Variants in LHFPL3 observed in about 807,000 individuals in gnomAD.
LHFPL3 encodes the protein LHFPL tetraspan subfamily member 3 protein.
Under a neutral mutation model 19.3 loss-of-function variants are expected in LHFPL3, and 5 were observed. The ratio of observed to expected loss-of-function variants is 0.26; its 90% CI spans 0.14 to 0.54. The LOEUF is 0.54. Ranked by LOEUF, LHFPL3 falls within the 20% of genes least tolerant of loss-of-function variation. The probability of loss-of-function intolerance (pLI) is 0.94; values close to 1 mark genes in which losing one functional copy is unlikely to be tolerated. For missense variants in LHFPL3, 249 were observed against 307.4 expected, an observed-to-expected ratio of 0.81 and a Z score of 1.42; for synonymous variants, 133 against 126.2, an observed-to-expected ratio of 1.05 and a Z score of -0.36.
rs1790993041 is a variant in LHFPL3, at chr7:104,833,025, G to GATATAT, written c.683-73161_683-73156dup. On this transcript the variant is annotated intron_variant, in intron 2 of 2. Transcript: ENST00000424859. ...TTATATATATATATTATATATAATAGATATATTATATATATATATTATATA... is the reference window on the plus strand; with the variant it reads ...TTATATATATATATTATATATAATAGATATATATATATTATATATATATATTATATA... 2.9e-4 allele frequency among the ~76,000 whole-genome samples: 5 copies of GATATAT among 17,334 alleles called. 1 individual carries two copies. Among genetic ancestry groups the GATATAT allele is most frequent in the South Asian group, 3.8e-3 (2 of 530 alleles). The allele number at this position is 17,334 out of a possible 152,430, so 11.4% of individuals were successfully genotyped here.
chr7:104,390,144 T>G (rs1187873213), intron 1 of LHFPL3, among the ~76,000 whole-genome samples: 1 of 151,206 alleles, frequency 6.6e-6, no homozygotes, highest in African/African-American at 2.4e-5. Context: ...TAAAGGACAT[T>G]TACAACTCAG....
intron 2 of LHFPL3, chr7:104,796,790 A>G (rs891170686): frequency 6.6e-6 from 1 of 152,642 alleles, no homozygotes; most frequent in African/African-American, 2.4e-5. Flanking sequence ...CCAGTGGCCA[A>G]TCATTTCATC....
At chr7:104,359,316 A>C (rs1247020422) in intron 1 of LHFPL3, among the ~76,000 whole-genome samples, 1 of 152,258 alleles carries the variant, frequency 6.6e-6, no homozygotes, top group African/African-American at 2.4e-5. Context: ...AGCCTTCAGA[A>C]GGTCCTATGT....
intron 2 of LHFPL3, among the ~76,000 whole-genome samples, chr7:104,868,266 T>C (rs1027375646): frequency 2.4e-4 from 36 of 151,006 alleles, no homozygotes; most frequent in Non-Finnish European, 4.7e-4. Flanking sequence ...GGGTATTCAA[T>C]TAGGAAAAGA....
intron 1 of LHFPL3, among the ~76,000 whole-genome samples, chr7:104,393,541 C>A (rs1791120915): frequency 6.6e-6 from 1 of 151,970 alleles, no homozygotes. Context: ...CATGGTGAAA[C>A]CCCGTCTCTA....
intron 1 of LHFPL3, among the ~76,000 whole-genome samples, chr7:104,578,114 G>A (rs1790377890): frequency 6.6e-6 from 1 of 152,202 alleles, no homozygotes; most frequent in African/African-American, 2.4e-5. Flanking sequence ...TATTGGTTGT[G>A]TCCCATGTGT....
intron 1 of LHFPL3, among the ~76,000 whole-genome samples, chr7:104,352,731 G>A (rs1790202121): frequency 6.6e-6 from 1 of 152,238 alleles, no homozygotes; most frequent in South Asian, 2.1e-4. Flanking sequence ...TGTTTCTCCA[G>A]GGGTGGAGGT....
chr7:104,342,916 AAGG>A (rs1789984968), intron 1 of LHFPL3, among the ~76,000 whole-genome samples: 1 of 152,184 alleles, frequency 6.6e-6, no homozygotes, highest in Non-Finnish European at 1.5e-5. Context: ...GCAGAGAACA[AAGG>A]AGAAAATTCT....
chr7:104,904,477 C>G (rs1792558058), intron 2 of LHFPL3, among the ~76,000 whole-genome samples: 1 of 152,124 alleles, frequency 6.6e-6, no homozygotes, highest in African/African-American at 2.4e-5. Flanking sequence ...ATGGCAAAAC[C>G]CTGTCTCTAC....
intron 1 of LHFPL3, among the ~76,000 whole-genome samples, chr7:104,466,356 A>C (rs1344459261): frequency 6.6e-6 from 1 of 152,222 alleles, no homozygotes; most frequent in Non-Finnish European, 1.5e-5. Flanking sequence ...GCAGAAGCTC[A>C]TCATGTATTT....
chr7:104,393,590 C>A (rs1389320396), intron 1 of LHFPL3, among the ~76,000 whole-genome samples: 1 of 152,090 alleles, frequency 6.6e-6, no homozygotes, highest in African/African-American at 2.4e-5. Context: ...GTGGTGCACA[C>A]CTGTAATCCC....
chr7:104,463,331 TATTA>T (rs1027476428), intron 1 of LHFPL3, among the ~76,000 whole-genome samples: 17 of 152,336 alleles, frequency 1.1e-4, no homozygotes, highest in African/African-American at 4.1e-4. Context: ...GATATTGGAT[TATTA>T]ATTTGAAATC....
chr7:104,607,504 T>C (rs186119912), intron 1 of LHFPL3, among the ~76,000 whole-genome samples: 1 of 152,224 alleles, frequency 6.6e-6, no homozygotes, highest in Non-Finnish European at 1.5e-5. Flanking sequence ...GCCCCTTGTT[T>C]AATATTTCCT....
intron 1 of LHFPL3, among the ~76,000 whole-genome samples, chr7:104,494,724 T>C (rs1793424582): frequency 6.6e-6 from 1 of 152,158 alleles, no homozygotes; most frequent in Non-Finnish European, 1.5e-5. Context: ...TGCACCCTCA[T>C]GGACCCATAC....
intron 1 of LHFPL3, among the ~76,000 whole-genome samples, chr7:104,387,488 C>G (rs1436533562): frequency 6.6e-6 from 1 of 152,064 alleles, no homozygotes; most frequent in African/African-American, 2.4e-5. Context: ...GGAGGAATTT[C>G]ATTCAGGATT....
intron 2 of LHFPL3, among the ~76,000 whole-genome samples, chr7:104,768,095 G>C (rs1448479245): frequency 2.7e-5 from 4 of 145,840 alleles, no homozygotes; most frequent in Admixed American, 6.9e-5. Flanking sequence ...AAATACTCAT[G>C]AAAGACTGAA....
chr7:104,754,252 G>T (rs1794239167), intron 2 of LHFPL3, among the ~76,000 whole-genome samples: 1 of 152,136 alleles, frequency 6.6e-6, no homozygotes, highest in South Asian at 2.1e-4. Context: ...AATAAAATAA[G>T]AAATAATTAT....
At chr7:104,802,813 C>T (rs1413692865) in intron 2 of LHFPL3, 1 of 152,284 alleles carries the variant, frequency 6.6e-6, no homozygotes, top group Non-Finnish European at 1.5e-5. Flanking sequence ...ATGCCAATGC[C>T]AAGATTCACA....
chr7:104,879,388 T>A (rs888714752), intron 2 of LHFPL3, among the ~76,000 whole-genome samples: 4 of 151,962 alleles, frequency 2.6e-5, no homozygotes, highest in African/African-American at 9.7e-5. Flanking sequence ...TATGCTCTGG[T>A]CTGTGCAACA....
Sources: gnomAD v4.1 joint callset for allele counts (sites outside exome capture counted in the v4.1 genomes callset) on GRCh38, gnomAD v4.1.1 for gene constraint, MANE v1.5 for transcripts, NCBI Gene and HGNC (gene_info 2026-07-23, HGNC 2026-07-21) for gene names.